Variants in PPA1 observed in about 807,000 individuals in gnomAD.
PPA1 encodes inorganic pyrophosphatase.
PPA1 carries 23 observed loss-of-function variants against 41.8 expected under a neutral mutation model. The ratio of observed to expected loss-of-function variants is 0.55; its 90% CI spans 0.40 to 0.78. PPA1 has a LOEUF of 0.78. Among genes scored for constraint, PPA1 ranks in the 30% least tolerant of loss-of-function variants. The pLI, the probability that PPA1 is intolerant of heterozygous loss-of-function variation, is 0.00. For missense variants in PPA1, 320 were observed against 361.6 expected, an observed-to-expected ratio of 0.89 and a Z score of 0.93; for synonymous variants, 101 against 116.8, an observed-to-expected ratio of 0.86 and a Z score of 0.87.
chr10:70,227,402 C>T (rs780407559), intron 2 of PPA1, among the ~76,000 whole-genome samples: 5 of 152,350 alleles, frequency 3.3e-5, no homozygotes, highest in Admixed American at 6.5e-5. Flanking sequence ...GCAACCCCAG[C>T]ACTTCTGGAG....
chr10:70,218,200 C>A (rs1351668482), intron 3 of PPA1, among the ~76,000 whole-genome samples: 2 of 152,038 alleles, frequency 1.3e-5, no homozygotes, highest in Admixed American at 1.3e-4. Context: ...GGAATAAATT[C>A]TAATGTTTGA....
chr10:70,209,750 AGCAGATTTCAAGAT>A (rs767445011), intron 6 of PPA1, 65 bp from the exon 7 acceptor site: 26 of 1,493,218 alleles, frequency 1.7e-5, no homozygotes, highest in Non-Finnish European at 2.3e-5. Flanking sequence ...GAAGAGAATA[AGCAGATTTCAAGAT>A]GCACAAATAA....
intron 2 of PPA1, among the ~76,000 whole-genome samples, chr10:70,221,051 ATATAATT>A (rs1382431258): frequency 6.4e-4 from 36 of 56,386 alleles, no homozygotes; most frequent in African/African-American, 1.7e-3. Context: ...TTATATATAT[ATATAATT>A]TATATATATA....
Position 70,204,912 on chromosome 10 carries a change from G to GT in PPA1, c.798dup (p.Pro267ThrfsTer5), listed in dbSNP as rs776313170. 1.9e-6 allele frequency: 3 copies of GT among 1,588,734 alleles called. No individual in the cohort carries two copies. The South Asian group carries it at 3.4e-5, about 18-fold the overall frequency. The stretch of plus-strand genomic sequence containing the variant: ...GTGCAGGCAGATTCACAGGGTGGTG[G>GT]TAACTAAAATATAAAATATTAAAAT... On this transcript the variant is annotated frameshift_variant, in exon 10 of 11. Coordinates refer to ENST00000373232, the MANE Select transcript of PPA1 (RefSeq NM_021129.4). LOFTEE classifies it high-confidence loss of function.
At chr10:70,230,097 C>T (rs1840272605) in intron 2 of PPA1, among the ~76,000 whole-genome samples, 1 of 152,112 alleles carries the variant, frequency 6.6e-6, no homozygotes, top group South Asian at 2.1e-4. Context: ...TTTGTAGAGA[C>T]AGGGTTTCAC....
chr10:70,232,858 C>T lies in PPA1; in HGVS notation c.64+406G>A, dbSNP rs987312762. Among the ~76,000 whole-genome samples the T allele has an allele frequency of 5.4e-4, 82 of 152,118 alleles. 1 individual carries two copies. The Middle Eastern group carries it at 0.01, about 19-fold the overall frequency. ...TAAGGTCTTTAGGAAGTCACTGCCC[C>T]CCCCGGCCCGGAGTCGCCTTTTCTC... is the stretch of plus-strand genomic sequence containing the variant. On this transcript the variant is annotated intron_variant, in intron 1 of 10. Transcript: ENST00000373232.
intron 4 of PPA1, among the ~76,000 whole-genome samples, chr10:70,216,600 T>C (rs891490298): frequency 1.3e-5 from 2 of 152,234 alleles, no homozygotes; most frequent in Non-Finnish European, 2.9e-5. Context: ...TGTTCTACTA[T>C]CTTATGGGTT....
intron 2 of PPA1, among the ~76,000 whole-genome samples, chr10:70,224,923 G>T (rs958287999): frequency 6.7e-6 from 1 of 149,278 alleles, no homozygotes; most frequent in African/African-American, 2.6e-5. Context: ...TAGAGACAGG[G>T]TTTCTCCATG....
At chr10:70,216,739 C>A (rs1189524936) in intron 4 of PPA1, among the ~76,000 whole-genome samples, 2 of 152,154 alleles carry the variant, frequency 1.3e-5, no homozygotes, top group African/African-American at 2.4e-5. Flanking sequence ...ACAGCACTGG[C>A]CTAGCCAAAA....
intron 2 of PPA1, among the ~76,000 whole-genome samples, chr10:70,221,322 T>C (rs1840166569): frequency 6.6e-6 from 1 of 151,422 alleles, no homozygotes; most frequent in Non-Finnish European, 1.5e-5. Context: ...GATTCAAAAG[T>C]GTAGAACTTC....
intron 2 of PPA1, among the ~76,000 whole-genome samples, chr10:70,220,622 TTTATA>T (rs1564584025): frequency 1.8e-4 from 1 of 5,412 alleles, no homozygotes; most frequent in African/African-American, 5.6e-4. Flanking sequence ...TTATATATAA[TTTATA>T]TATATATAAT....
Position 70,209,190 on chromosome 10 carries a change from A to G in PPA1, c.725+15T>C, listed in dbSNP as rs547462493. 6.5e-7 allele frequency: 1 copy of G among 1,543,512 alleles called. No homozygotes were observed. The highest frequency in any genetic ancestry group is 1.7e-5 in the Admixed American group (1 of 58,708). ...TCTGCTTTGTGTGTTAAACATGCAA[A>G]GTGTTTACACTTACCAACTGATTCC... On this transcript the variant is annotated intron_variant, in intron 8 of 10. Transcript: ENST00000373232.
chr10:70,226,875 C>G (rs575760166), intron 2 of PPA1, among the ~76,000 whole-genome samples: 30 of 152,240 alleles, frequency 2.0e-4, no homozygotes, highest in African/African-American at 7.2e-4. Context: ...AAAAGAAACA[C>G]ATATTCCATA....
chr10:70,230,915 A>G (rs117655068), intron 1 of PPA1, among the ~76,000 whole-genome samples: 1 of 152,348 alleles, frequency 6.6e-6, no homozygotes, highest in East Asian at 1.9e-4. Flanking sequence ...ACTAATCTCT[A>G]TAGTGAGAGC....
chr10:70,220,208 G>A (rs912448392), intron 2 of PPA1, among the ~76,000 whole-genome samples: 13 of 150,272 alleles, frequency 8.7e-5, no homozygotes, highest in Admixed American at 7.4e-4. Context: ...GGGATTACAG[G>A]TGTAAGCCAC....
intron 8 of PPA1, among the ~76,000 whole-genome samples, chr10:70,208,308 T>C (rs1839971340): frequency 6.6e-6 from 1 of 151,954 alleles, no homozygotes. Flanking sequence ...TACGAAAAAA[T>C]AGAGAAGTTA....
At chr10:70,217,073 G>A (rs11817045) in intron 4 of PPA1, among the ~76,000 whole-genome samples, 8,668 of 151,872 alleles carry the variant, frequency 0.057, 513 homozygotes, top group African/African-American at 0.15. Flanking sequence ...GGAGAATGGC[G>A]TGAACCTGGG....
At chr10:70,217,245 C>T (rs1414189514) in intron 4 of PPA1, among the ~76,000 whole-genome samples, 3 of 151,520 alleles carry the variant, frequency 2.0e-5, no homozygotes, top group African/African-American at 7.3e-5. Context: ...AAGAGCTTGA[C>T]CTGAAGAAGA....
intron 7 of PPA1, 122 bp from the exon 8 acceptor site, chr10:70,209,412 A>C (rs768309521): frequency 2.3e-6 from 3 of 1,298,834 alleles, no homozygotes; most frequent in Non-Finnish European, 3.2e-6. Context: ...AAAATGGAAG[A>C]GAATATTAAA....
Sources: gnomAD v4.1 joint callset for allele counts (sites outside exome capture counted in the v4.1 genomes callset) on GRCh38, gnomAD v4.1.1 for gene constraint, MANE v1.5 for transcripts, NCBI Gene and HGNC (gene_info 2026-07-23, HGNC 2026-07-21) for gene names.